SH3KBP1: variants seen among roughly 807,000 people sequenced by gnomAD.
SH3KBP1 encodes the protein SH3 domain containing kinase binding protein 1.
A neutral mutation model predicts 50.1 loss-of-function variants in SH3KBP1; 8 were observed. The observed-to-expected ratio is 0.16, with a 90% CI of 0.09 to 0.29. SH3KBP1 has a LOEUF of 0.29. SH3KBP1 is among the 10% of genes least tolerant of loss of function. The pLI is 1.00. For missense variants in SH3KBP1, 377 were observed against 535.2 expected (o/e 0.70, Z 2.92); for synonymous variants, 227 against 218.6 (o/e 1.04, Z -0.34).
At chrX:19,758,089 G>T (rs1295128351) in intron 2 of SH3KBP1, among the ~76,000 whole-genome samples, 4 of 110,271 alleles carry the variant, frequency 3.6e-5, no homozygotes, top group Admixed American at 9.7e-5. Context: ...ACTCTGAGAG[G>T]CCAAGGTGGG....
At chrX:19,572,370 TATATGTTATATATAGTACATAC>T (rs1330604249) in intron 12 of SH3KBP1, among the ~76,000 whole-genome samples, 3 of 99,369 alleles carry the variant, frequency 3.0e-5, no homozygotes, top group Non-Finnish European at 5.8e-5. Flanking sequence ...ATATAGTACA[TATATGTTATATATAGTACATAC>T]ATATGTTATA....
intron 3 of SH3KBP1, among the ~76,000 whole-genome samples, chrX:19,739,014 GAAAAA>G (rs1167676836): frequency 8.9e-5 from 2 of 22,463 alleles, no homozygotes; most frequent in Non-Finnish European, 1.8e-4. Context: ...CTGCCTCCAA[GAAAAA>G]AAAAAAAAAA....
At chrX:19,681,543 G>A (rs1343665806) in intron 6 of SH3KBP1, among the ~76,000 whole-genome samples, 1 of 112,387 alleles carries the variant, frequency 8.9e-6, no homozygotes, top group Non-Finnish European at 1.9e-5. Context: ...TTAGAAGATG[G>A]TATGTGCCAC....
intron 7 of SH3KBP1, among the ~76,000 whole-genome samples, chrX:19,644,566 G>A (rs1244847489): frequency 9.0e-6 from 1 of 111,697 alleles, no homozygotes; most frequent in Non-Finnish European, 1.9e-5. Flanking sequence ...TTGCCACTAG[G>A]CACACATGAC....
chrX:19,746,345 C>T lies in SH3KBP1; in HGVS notation c.259G>A (p.Glu87Lys). Residue 87 changes from glutamate to lysine, a missense_variant, in exon 3 of 18, where the codon GAA (glutamate) becomes AAA (lysine). Coordinates refer to ENST00000397821, the MANE Select transcript of SH3KBP1 (RefSeq NM_031892.3). Reference protein sequence around the residue: ...VPSGNSLLSSETILRTNKRGE... With the variant: ...VPSGNSLLSSKTILRTNKRGE... ...CTCTTATTGGTTCTTAAAATCGTTT[C>T]AGAAGACAGCAAAGAGTTTCCACTG... 1.7e-6 allele frequency: 2 copies of T among 1,210,390 alleles called. No homozygotes were observed. Among genetic ancestry groups the T allele is most frequent in the South Asian group, 3.5e-5 (2 of 56,515 alleles).
chrX:19,705,104 TAAA>T (rs1232609633), intron 4 of SH3KBP1, among the ~76,000 whole-genome samples: 1 of 112,405 alleles, frequency 8.9e-6, no homozygotes, highest in Non-Finnish European at 1.9e-5. Context: ...TTTTCATAAG[TAAA>T]AACCCATTAT....
chrX:19,600,066 C>T (rs2067033629), intron 9 of SH3KBP1, among the ~76,000 whole-genome samples: 2 of 81,656 alleles, frequency 2.4e-5, no homozygotes, highest in South Asian at 7.5e-4. Flanking sequence ...ACCCGGGAGG[C>T]GGAGCTTGCA....
Position 19,542,254 on chromosome X carries a change from C to A in SH3KBP1, c.1624-61G>T, listed in dbSNP as rs763920006. The stretch of plus-strand genomic sequence containing the variant: ...GGGATTTGTGTGCTGCGTCTTTGTC[C>A]TGGTTAGTCAAACTCTCCGTTAACA... On this transcript the variant is annotated intron_variant, in intron 15 of 17. Transcript: ENST00000397821. 1.9e-4 allele frequency: 200 copies of A among 1,062,023 alleles called. 3 individuals carry two copies. The South Asian group carries it at 4.3e-3, about 23-fold the overall frequency. The allele number at this position is 1,062,023 out of a possible 1,213,427, so 87.5% of individuals were successfully genotyped here. A position where few individuals can be genotyped will look rare whatever the true frequency, so the allele number is the denominator to read the frequency against.
chrX:19,758,584 C>A (rs1185013839), intron 2 of SH3KBP1, among the ~76,000 whole-genome samples: 2 of 111,035 alleles, frequency 1.8e-5, no homozygotes, highest in Non-Finnish European at 3.8e-5. Context: ...TTTTTCCCAT[C>A]AAAGTCTCCT....
chrX:19,540,271 C>G (rs2064844613), intron 16 of SH3KBP1, among the ~76,000 whole-genome samples: 1 of 110,987 alleles, frequency 9.0e-6, no homozygotes, highest in Non-Finnish European at 1.9e-5. Context: ...GTATATTAAT[C>G]TGATGGATCT....
intron 9 of SH3KBP1, among the ~76,000 whole-genome samples, chrX:19,604,496 G>A (rs907763140): frequency 6.3e-5 from 7 of 111,909 alleles, no homozygotes; most frequent in Admixed American, 3.8e-4. Flanking sequence ...AATAAATGCC[G>A]TTTGCTTCTG....
intron 1 of SH3KBP1, among the ~76,000 whole-genome samples, chrX:19,881,105 G>A (rs1287455125): frequency 1.8e-5 from 2 of 112,268 alleles, no homozygotes; most frequent in Non-Finnish European, 3.8e-5. Context: ...ACAAGGCAGA[G>A]GAGAGAGTGA....
chrX:19,664,831 T>C (rs2062556030), intron 6 of SH3KBP1: 1 of 112,225 alleles, frequency 8.9e-6, no homozygotes, highest in Non-Finnish European at 1.9e-5. Context: ...TCTCAGCTTC[T>C]AACAATGCCT....
intron 6 of SH3KBP1, among the ~76,000 whole-genome samples, chrX:19,681,898 G>C (rs1321005084): frequency 9.1e-6 from 1 of 109,875 alleles, no homozygotes; most frequent in Non-Finnish European, 1.9e-5. Flanking sequence ...TCGCTCTTAA[G>C]ACTAAACTCC....
At chrX:19,725,300 A>G (rs1225782391) in intron 3 of SH3KBP1, among the ~76,000 whole-genome samples, 1 of 105,679 alleles carries the variant, frequency 9.5e-6, no homozygotes, top group Non-Finnish European at 1.9e-5. Flanking sequence ...TCTAAAAAAA[A>G]AAAAAAAAAA....
At chrX:19,692,711 CTCTT>C (rs2063328050) in intron 5 of SH3KBP1, among the ~76,000 whole-genome samples, 1 of 84,166 alleles carries the variant, frequency 1.2e-5, no homozygotes, top group East Asian at 3.6e-4. Context: ...TTTTAATAGT[CTCTT>C]TCTGTAGCCC....
chrX:19,725,295 A>G (rs914827255), intron 3 of SH3KBP1, among the ~76,000 whole-genome samples: 2 of 103,147 alleles, frequency 1.9e-5, no homozygotes, highest in Admixed American at 1.1e-4. Context: ...TCTACTCTAA[A>G]AAAAAAAAAA....
chrX:19,778,632 T>C (rs977082273), intron 2 of SH3KBP1, among the ~76,000 whole-genome samples: 1 of 109,688 alleles, frequency 9.1e-6, no homozygotes, highest in Non-Finnish European at 1.9e-5. Flanking sequence ...ACTACAATCC[T>C]TGTGAAAAGT....
At chrX:19,759,079 T>C (rs1471975170) in intron 2 of SH3KBP1, among the ~76,000 whole-genome samples, 2 of 112,326 alleles carry the variant, frequency 1.8e-5, no homozygotes, top group Non-Finnish European at 3.8e-5. Context: ...AGCTCGCCAT[T>C]ATGAAGAATA....
Sources: allele counts gnomAD v4.1 joint callset (sites outside exome capture counted in the v4.1 genomes callset), GRCh38; gene constraint gnomAD v4.1.1; transcripts MANE v1.5; gene names NCBI Gene and HGNC (gene_info 2026-07-23, HGNC 2026-07-21).